Variants in AGMO observed in about 807,000 individuals in gnomAD.
AGMO encodes the protein glyceryl-ether monooxygenase.
Under a neutral mutation model 60.2 loss-of-function variants are expected in AGMO, and 75 were observed. The ratio of observed to expected loss-of-function variants is 1.25; its 90% CI spans 1.03 to 1.51. AGMO has a LOEUF of 1.51. Ranked by LOEUF, AGMO falls within the 40% of genes most tolerant of loss-of-function variation. The pLI, the probability that AGMO is intolerant of heterozygous loss-of-function variation, is 0.00. For missense variants in AGMO, 763 were observed against 525.5 expected (o/e 1.45, Z -4.42); for synonymous variants, 261 against 177.1 (o/e 1.47, Z -3.76).
intron 3 of AGMO, among the ~76,000 whole-genome samples, chr7:15,432,361 T>TATACACAC (rs370437254): frequency 3.2e-5 from 4 of 123,940 alleles, no homozygotes; most frequent in East Asian, 4.4e-4. Context: ...CATATATATA[T>TATACACAC]ACACACACAT....
At chr7:15,515,852 G>A (rs1334056191) in intron 3 of AGMO, among the ~76,000 whole-genome samples, 1 of 152,176 alleles carries the variant, frequency 6.6e-6, no homozygotes, top group Non-Finnish European at 1.5e-5. Context: ...AGCTGTTGAT[G>A]AAGATGTTTA....
At chr7:15,235,664 T>C (rs1782396418) in intron 12 of AGMO, among the ~76,000 whole-genome samples, 1 of 152,004 alleles carries the variant, frequency 6.6e-6, no homozygotes, top group Admixed American at 6.6e-5. Flanking sequence ...AGAAAGAAAA[T>C]AGAGATAGGG....
intron 12 of AGMO, among the ~76,000 whole-genome samples, chr7:15,260,212 GAAAA>G (rs753533328): frequency 9.1e-6 from 1 of 109,942 alleles, no homozygotes. Flanking sequence ...ACAGAGCGAG[GAAAA>G]AAAAAAAAAA....
At chr7:15,269,541 G>A (rs1338603203) in intron 12 of AGMO, among the ~76,000 whole-genome samples, 1 of 152,016 alleles carries the variant, frequency 6.6e-6, no homozygotes, top group African/African-American at 2.4e-5. Flanking sequence ...CCAGAGATGG[G>A]GGTAGTTATT....
chr7:15,500,221 G>C (rs1783345355), intron 3 of AGMO, among the ~76,000 whole-genome samples: 1 of 151,812 alleles, frequency 6.6e-6, no homozygotes, highest in Non-Finnish European at 1.5e-5. Flanking sequence ...TACTAGAGAA[G>C]TCTTATTTCT....
At chr7:15,498,721 T>G (rs189039275) in intron 3 of AGMO, among the ~76,000 whole-genome samples, 1 of 151,964 alleles carries the variant, frequency 6.6e-6, no homozygotes, top group Admixed American at 6.6e-5. Context: ...TTACTACAAG[T>G]GTCTAATTTA....
intron 12 of AGMO, among the ~76,000 whole-genome samples, chr7:15,276,159 T>C (rs1783779878): frequency 6.6e-6 from 1 of 152,214 alleles, no homozygotes; most frequent in African/African-American, 2.4e-5. Flanking sequence ...TTTTTTGTAA[T>C]GGCAAGTGCT....
At chr7:15,363,604 T>C (rs779593044) in intron 12 of AGMO, among the ~76,000 whole-genome samples, 73 of 152,260 alleles carry the variant, frequency 4.8e-4, no homozygotes, top group Non-Finnish European at 9.6e-4. Flanking sequence ...CATTTACTTT[T>C]ATCTATTAAC....
chr7:15,186,281 C>T, the AGMO span, among the ~76,000 whole-genome samples: 1 of 152,322 alleles, frequency 6.6e-6, no homozygotes, highest in African/African-American at 2.4e-5. Flanking sequence ...TGATTGAATG[C>T]AGATTGCAGG....
At chr7:15,149,040 GTGATTT>G in the AGMO span, among the ~76,000 whole-genome samples, 3 of 152,108 alleles carry the variant, frequency 2.0e-5, no homozygotes. Context: ...GTATCTTATT[GTGATTT>G]TGATTTGCAT....
chr7:15,315,445 C>A (rs1176130979), intron 12 of AGMO, among the ~76,000 whole-genome samples: 4 of 134,558 alleles, frequency 3.0e-5, no homozygotes, highest in Non-Finnish European at 6.1e-5. Context: ...TCAAGCGATT[C>A]TCCTGCCTCA....
At chr7:15,290,748 A>G (rs1028535359) in intron 12 of AGMO, among the ~76,000 whole-genome samples, 5 of 152,302 alleles carry the variant, frequency 3.3e-5, no homozygotes, top group Non-Finnish European at 7.4e-5. Context: ...AAAATTATTT[A>G]AATTGTACCT....
intron 3 of AGMO, among the ~76,000 whole-genome samples, chr7:15,432,797 A>G (rs1313664346): frequency 3.3e-5 from 5 of 152,036 alleles, no homozygotes; most frequent in African/African-American, 4.8e-5. Context: ...ATATGCAGTC[A>G]TAATCTTTGA....
At chr7:15,450,544 T>G (rs1457993756) in intron 3 of AGMO, among the ~76,000 whole-genome samples, 1 of 152,172 alleles carries the variant, frequency 6.6e-6, no homozygotes, top group Non-Finnish European at 1.5e-5. Flanking sequence ...GTTGAAATAC[T>G]TTTATGTAGA....
intron 10 of AGMO, among the ~76,000 whole-genome samples, chr7:15,383,827 G>A (rs1377914867): frequency 6.6e-6 from 1 of 151,636 alleles, no homozygotes; most frequent in Non-Finnish European, 1.5e-5. Context: ...TTCTTTTTAG[G>A]CTTTTTCAGA....
At chr7:15,495,464 G>C (rs1783196012) in intron 3 of AGMO, among the ~76,000 whole-genome samples, 1 of 152,110 alleles carries the variant, frequency 6.6e-6, no homozygotes, top group Non-Finnish European at 1.5e-5. Context: ...GTCTTACTAA[G>C]CCAGTTCATA....
chr7:15,432,976 A>G (rs534927487), intron 3 of AGMO, among the ~76,000 whole-genome samples: 1 of 152,156 alleles, frequency 6.6e-6, no homozygotes, highest in East Asian at 1.9e-4. Context: ...TTACAGATAG[A>G]GATCCTGAAG....
chr7:15,205,441 T>G (rs1781416066), intron 12 of AGMO, among the ~76,000 whole-genome samples: 1 of 152,198 alleles, frequency 6.6e-6, no homozygotes, highest in African/African-American at 2.4e-5. Flanking sequence ...TGTATTTATG[T>G]CACAAAGATT....
chr7:15,457,954 G>A (rs1462637587), intron 3 of AGMO, among the ~76,000 whole-genome samples: 2 of 152,204 alleles, frequency 1.3e-5, no homozygotes, highest in Middle Eastern at 3.4e-3. Context: ...GAAATAAAAT[G>A]GGGGTAAATT....
Sources: allele counts gnomAD v4.1 joint callset (sites outside exome capture counted in the v4.1 genomes callset), GRCh38; gene constraint gnomAD v4.1.1; transcripts MANE v1.5; gene names NCBI Gene and HGNC (gene_info 2026-07-23, HGNC 2026-07-21).